MDFIC2: variants seen among roughly 807,000 people sequenced by gnomAD.
The protein encoded by MDFIC2 is myoD family inhibitor domain-containing protein 2.
Position 70,196,816 on chromosome 3 carries a change from C to T in MDFIC2, c.*110G>A. ...TGCAGAATAAAATGGCCTATAGCAT[C>T]CAAGAAATGTGTACAGTCCTTACAT... On this transcript the variant is annotated 3_prime_UTR_variant, in exon 4 of 4. Coordinates refer to ENST00000567252, the MANE Select transcript of MDFIC2 (RefSeq NM_001364677.1). 2.5e-6 allele frequency: 1 copy of T among 397,224 alleles called. No homozygotes were observed. Among genetic ancestry groups the T allele is most frequent in the Admixed American group, 4.4e-5 (1 of 22,710 alleles). 24.6% of individuals were successfully genotyped at this position (397,224 alleles called of 1,614,324 possible).
At chr3:70,260,808 G>T (rs575779786) in intron 2 of MDFIC2, among the ~76,000 whole-genome samples, 1 of 151,932 alleles carries the variant, frequency 6.6e-6, no homozygotes, top group Admixed American at 6.6e-5. Context: ...CCTCTTGGTG[G>T]GTTCCCAGAC....
At chr3:70,238,605 G>A (rs1460947759) in intron 2 of MDFIC2, among the ~76,000 whole-genome samples, 1 of 151,352 alleles carries the variant, frequency 6.6e-6, no homozygotes, top group Non-Finnish European at 1.5e-5. Flanking sequence ...GTGAGCACTT[G>A]TCTCAAAAAA....
intron 2 of MDFIC2, among the ~76,000 whole-genome samples, chr3:70,259,326 C>T (rs1257755583): frequency 1.3e-5 from 2 of 152,006 alleles, no homozygotes; most frequent in Non-Finnish European, 2.9e-5. Context: ...CATCTTTTGA[C>T]TCCAGCTCTT....
chr3:70,212,050 G>A (rs1412171559), intron 2 of MDFIC2, among the ~76,000 whole-genome samples: 8 of 151,726 alleles, frequency 5.3e-5, no homozygotes, highest in African/African-American at 1.5e-4. Context: ...TTCCTACCCT[G>A]CCCTTGAAGG....
chr3:70,236,458 T>G (rs1701609900), intron 2 of MDFIC2, among the ~76,000 whole-genome samples: 4 of 152,214 alleles, frequency 2.6e-5, no homozygotes, highest in African/African-American at 9.6e-5. Flanking sequence ...ATATTCCCAC[T>G]TGCAACATGT....
intron 2 of MDFIC2, among the ~76,000 whole-genome samples, chr3:70,250,558 A>G (rs1292897126): frequency 2.0e-5 from 3 of 152,144 alleles, no homozygotes; most frequent in African/African-American, 7.2e-5. Flanking sequence ...AAAAACCATT[A>G]AACTATTCGG....
intron 2 of MDFIC2, among the ~76,000 whole-genome samples, chr3:70,254,616 A>C (rs1701797368): frequency 6.6e-6 from 1 of 152,174 alleles, no homozygotes; most frequent in Non-Finnish European, 1.5e-5. Flanking sequence ...AGTGGAAAAC[A>C]ATTTTCCACT....
At chr3:70,308,385 T>A (rs899169891) in intron 2 of MDFIC2, among the ~76,000 whole-genome samples, 1 of 152,182 alleles carries the variant, frequency 6.6e-6, no homozygotes, top group Non-Finnish European at 1.5e-5. Context: ...TCATGCCTTG[T>A]TTATCCGATT....
intron 2 of MDFIC2, among the ~76,000 whole-genome samples, chr3:70,226,457 G>T (rs955830866): frequency 6.6e-6 from 1 of 152,164 alleles, no homozygotes; most frequent in Non-Finnish European, 1.5e-5. Context: ...AGTGTTCAAG[G>T]CTGGGCGCAG....
intron 2 of MDFIC2, among the ~76,000 whole-genome samples, chr3:70,304,981 A>G (rs1252624794): frequency 6.6e-6 from 1 of 151,858 alleles, no homozygotes; most frequent in Non-Finnish European, 1.5e-5. Context: ...GTTCTCTCCA[A>G]TGGAATGCTT....
At chr3:70,293,939 A>T (rs1444740278) in intron 2 of MDFIC2, among the ~76,000 whole-genome samples, 1 of 152,062 alleles carries the variant, frequency 6.6e-6, no homozygotes, top group Non-Finnish European at 1.5e-5. Context: ...GAGCAAAGTT[A>T]TCTGATGACA....
At chr3:70,304,083 C>T (rs935580823) in intron 2 of MDFIC2, among the ~76,000 whole-genome samples, 1 of 151,996 alleles carries the variant, frequency 6.6e-6, no homozygotes, top group African/African-American at 2.4e-5. Flanking sequence ...TATTGCAATC[C>T]CAAATGTCAA....
intron 2 of MDFIC2, among the ~76,000 whole-genome samples, chr3:70,301,558 TTTACTTAATTATATATTA>T (rs2106702033): frequency 6.6e-6 from 1 of 152,230 alleles, no homozygotes; most frequent in South Asian, 2.1e-4. Flanking sequence ...GTTGATTTCA[TTTACTTAATTATATATTA>T]TTTTGTAAAA....
At chr3:70,268,342 G>T (rs1050786636) in intron 2 of MDFIC2, among the ~76,000 whole-genome samples, 9 of 152,244 alleles carry the variant, frequency 5.9e-5, no homozygotes, top group South Asian at 2.1e-4. Context: ...AGGCGTGGTT[G>T]TGTGCACCTG....
At chr3:70,286,825 C>T (rs530436840) in intron 2 of MDFIC2, among the ~76,000 whole-genome samples, 39 of 152,112 alleles carry the variant, frequency 2.6e-4, no homozygotes, top group Admixed American at 2.0e-3. Context: ...GAAGCAATTG[C>T]GAATGAGAGT....
chr3:70,293,511 C>A (rs550029307), intron 2 of MDFIC2, among the ~76,000 whole-genome samples: 2 of 152,078 alleles, frequency 1.3e-5, no homozygotes, highest in South Asian at 2.1e-4. Flanking sequence ...TGTGATGTTG[C>A]CTATATTTCT....
intron 2 of MDFIC2, among the ~76,000 whole-genome samples, chr3:70,278,855 T>C (rs1575613684): frequency 6.6e-6 from 1 of 151,918 alleles, no homozygotes; most frequent in East Asian, 1.9e-4. Flanking sequence ...AATCAAAGGG[T>C]TGTTGTAAAA....
chr3:70,263,902 G>A (rs1425493820), intron 2 of MDFIC2, among the ~76,000 whole-genome samples: 1 of 152,064 alleles, frequency 6.6e-6, no homozygotes, highest in East Asian at 1.9e-4. Context: ...TCCTGCAATT[G>A]CTGTTGTCCA....
chr3:70,290,705 C>T (rs531541031), intron 2 of MDFIC2, among the ~76,000 whole-genome samples: 1 of 152,132 alleles, frequency 6.6e-6, no homozygotes, highest in Admixed American at 6.5e-5. Flanking sequence ...TGCTAGCAAT[C>T]AGTGAGACTC....
Sources: allele counts gnomAD v4.1 joint callset (sites outside exome capture counted in the v4.1 genomes callset), GRCh38; gene constraint gnomAD v4.1.1; transcripts MANE v1.5; gene names NCBI Gene and HGNC (gene_info 2026-07-23, HGNC 2026-07-21).